ARHGAP15: variants seen among roughly 807,000 people sequenced by gnomAD.
ARHGAP15 encodes the protein Rho GTPase activating protein 15, also known as rho GTPase-activating protein 15.
Under a neutral mutation model 63.7 loss-of-function variants are expected in ARHGAP15, and 51 were observed. The ratio of observed to expected loss-of-function variants is 0.80; its 90% CI spans 0.64 to 1.01. ARHGAP15 has a LOEUF of 1.01. ARHGAP15 is among the 50% of genes least tolerant of loss of function. ARHGAP15 has a pLI of 0.00. For missense variants in ARHGAP15, 560 were observed against 564.6 expected, an observed-to-expected ratio of 0.99 and a Z score of 0.08; for synonymous variants, 191 against 193.8, an observed-to-expected ratio of 0.99 and a Z score of 0.12.
At chr2:143,179,261 T>C (rs1280460615) in intron 2 of ARHGAP15, among the ~76,000 whole-genome samples, 1 of 152,256 alleles carries the variant, frequency 6.6e-6, no homozygotes, top group Non-Finnish European at 1.5e-5. Flanking sequence ...TATATTTGCC[T>C]GTCTCTGTTT....
intron 13 of ARHGAP15, among the ~76,000 whole-genome samples, chr2:143,723,537 A>G (rs1685153983): frequency 1.3e-5 from 2 of 152,194 alleles, no homozygotes; most frequent in Admixed American, 6.5e-5. Context: ...AGGACTGGAA[A>G]GAGTCCCAGA....
intron 2 of ARHGAP15, among the ~76,000 whole-genome samples, chr2:143,197,836 A>T (rs1691942414): frequency 6.6e-6 from 1 of 152,040 alleles, no homozygotes; most frequent in Non-Finnish European, 1.5e-5. Flanking sequence ...ACAAATTTGA[A>T]CCTGATTTCT....
At chr2:143,309,786 T>G (rs1438687927) in intron 6 of ARHGAP15, among the ~76,000 whole-genome samples, 1 of 151,864 alleles carries the variant, frequency 6.6e-6, no homozygotes, top group African/African-American at 2.4e-5. Flanking sequence ...AACTAGATGT[T>G]AGTGGAATCT....
At chr2:143,247,680 C>T (rs957895143) in intron 5 of ARHGAP15, among the ~76,000 whole-genome samples, 8 of 152,120 alleles carry the variant, frequency 5.3e-5, no homozygotes, top group Non-Finnish European at 1.0e-4. Context: ...GTCAGTATCT[C>T]CCTTATCCCT....
At chr2:143,330,106 A>C (rs1355765447) in intron 6 of ARHGAP15, among the ~76,000 whole-genome samples, 2 of 80,806 alleles carry the variant, frequency 2.5e-5, no homozygotes, top group African/African-American at 9.6e-5. Context: ...AAAAAAAAAA[A>C]AAAAAAAAAA....
At chr2:143,544,952 C>G (rs1385950681) in intron 10 of ARHGAP15, among the ~76,000 whole-genome samples, 1 of 152,180 alleles carries the variant, frequency 6.6e-6, no homozygotes, top group Non-Finnish European at 1.5e-5. Flanking sequence ...GCTCAAATGT[C>G]TCAGCTTCAT....
At chr2:143,756,654 AAAT>A in intron 13 of ARHGAP15, among the ~76,000 whole-genome samples, 1 of 152,334 alleles carries the variant, frequency 6.6e-6, no homozygotes, top group Middle Eastern at 3.4e-3. Flanking sequence ...CTAAAAAAAA[AAAT>A]AACTGAAATA....
intron 13 of ARHGAP15, among the ~76,000 whole-genome samples, chr2:143,710,337 G>A (rs1684525891): frequency 1.3e-5 from 2 of 152,038 alleles, no homozygotes; most frequent in Admixed American, 6.6e-5. Flanking sequence ...AATTTGGCCT[G>A]GTAGTTAAGA....
At chr2:143,678,112 G>A (rs1230364603) in intron 12 of ARHGAP15, among the ~76,000 whole-genome samples, 2 of 152,166 alleles carry the variant, frequency 1.3e-5, no homozygotes, top group Non-Finnish European at 2.9e-5. Context: ...TTGGGAGGCT[G>A]AGATAGGAGA....
At chr2:143,758,096 A>G (rs1265763736) in intron 13 of ARHGAP15, among the ~76,000 whole-genome samples, 1 of 152,088 alleles carries the variant, frequency 6.6e-6, no homozygotes, top group Non-Finnish European at 1.5e-5. Context: ...AGATAAATTA[A>G]GGTATTTCCA....
At chr2:143,624,386 C>A (rs1241755839) in intron 12 of ARHGAP15, 119 bp downstream of exon 12, 2 of 1,159,690 alleles carry the variant, frequency 1.7e-6, no homozygotes, top group Non-Finnish European at 1.1e-6. Context: ...CCCCGATGCT[C>A]CATATCTTAC....
At chr2:143,389,492 C>A (rs988932533) in intron 6 of ARHGAP15, among the ~76,000 whole-genome samples, 3 of 152,102 alleles carry the variant, frequency 2.0e-5, no homozygotes, top group African/African-American at 7.2e-5. Flanking sequence ...GCATTTTCCC[C>A]GGCAGGTTCA....
chr2:143,459,970 C>G (rs2105156000), intron 8 of ARHGAP15, among the ~76,000 whole-genome samples: 1 of 152,152 alleles, frequency 6.6e-6, no homozygotes, highest in Non-Finnish European at 1.5e-5. Context: ...GCCTGGTCTG[C>G]TTGGCCAGAG....
rs184814164 is a variant in ARHGAP15 at position 143,580,944 on chromosome 2, A to C, written c.1003+24459A>C. 9.5e-4 allele frequency among the ~76,000 whole-genome samples: 144 copies of C among 152,276 alleles called. 1 individual carries two copies. Among genetic ancestry groups the C allele is most frequent in the Middle Eastern group, 6.8e-3 (2 of 294 alleles). ...TAATGATAACTAATATATACTGAGCACTTCCTATGGGCTAGGTACTGTATG... is the reference window on the plus strand; with the variant it reads ...TAATGATAACTAATATATACTGAGCCCTTCCTATGGGCTAGGTACTGTATG... On this transcript the variant is annotated intron_variant, in intron 11 of 13. Coordinates refer to ENST00000295095, the MANE Select transcript of ARHGAP15 (RefSeq NM_018460.4).
chr2:143,514,283 G>A lies in ARHGAP15; in HGVS notation c.827-4983G>A, dbSNP rs565441265. Among the ~76,000 whole-genome samples the A allele has an allele frequency of 8.5e-5, 13 of 152,306 alleles. No homozygotes were observed. In the South Asian group the frequency reaches 2.5e-3, roughly 29 times the overall value. Reference sequence around the variant, plus strand: ...ATTTACAATATGGAGCACATGGTAGGTGTTCACTAAATAGTCACTGAATGG... The same window carrying A: ...ATTTACAATATGGAGCACATGGTAGATGTTCACTAAATAGTCACTGAATGG... On this transcript the variant is annotated intron_variant, in intron 9 of 13. Transcript: ENST00000295095.
intron 9 of ARHGAP15, among the ~76,000 whole-genome samples, chr2:143,496,517 G>A (rs1217527062): frequency 1.3e-5 from 2 of 152,150 alleles, no homozygotes; most frequent in Non-Finnish European, 2.9e-5. Context: ...ATGTTAGTGA[G>A]AATGTAATAT....
chr2:143,561,826 A>G (rs573885144), intron 11 of ARHGAP15, among the ~76,000 whole-genome samples: 1 of 152,296 alleles, frequency 6.6e-6, no homozygotes, highest in South Asian at 2.1e-4. Context: ...TTATAGAAAC[A>G]AAATTTGAAG....
intron 8 of ARHGAP15, among the ~76,000 whole-genome samples, chr2:143,438,339 A>AATAT (rs760288380): frequency 6.6e-6 from 1 of 152,040 alleles, no homozygotes; most frequent in Non-Finnish European, 1.5e-5. Context: ...TGCATTAAGA[A>AATAT]ATATATGTAT....
chr2:143,209,551 C>A (rs1456263269), intron 3 of ARHGAP15, among the ~76,000 whole-genome samples: 1 of 140,950 alleles, frequency 7.1e-6, no homozygotes, highest in Non-Finnish European at 1.5e-5. Context: ...ACAAAATGTG[C>A]TATGATAAAA....
Sources: gnomAD v4.1 joint callset for allele counts (sites outside exome capture counted in the v4.1 genomes callset) on GRCh38, gnomAD v4.1.1 for gene constraint, MANE v1.5 for transcripts, NCBI Gene and HGNC (gene_info 2026-07-23, HGNC 2026-07-21) for gene names.